UNC13B: variants seen among roughly 807,000 people sequenced by gnomAD.
UNC13B encodes the protein unc-13 homolog B.
Under a neutral mutation model 211.0 loss-of-function variants are expected in UNC13B, and 144 were observed. The observed-to-expected ratio is 0.68, with a 90% CI of 0.60 to 0.78. The LOEUF is 0.78. UNC13B is among the 30% of genes least tolerant of loss of function. The pLI is 0.00. For synonymous variants in UNC13B, 709 were observed against 725.8 expected (o/e 0.98, Z 0.37); for missense variants, 1,777 against 2,002.0 (o/e 0.89, Z 2.14).
At chr9:35,250,549 T>C (rs1587466822) in intron 6 of UNC13B, among the ~76,000 whole-genome samples, 1 of 152,244 alleles carries the variant, frequency 6.6e-6, no homozygotes, top group Non-Finnish European at 1.5e-5. Context: ...ACATTTTAAA[T>C]TCATTCATTA....
At chr9:35,271,096 G>A (rs550973166) in intron 7 of UNC13B, among the ~76,000 whole-genome samples, 21 of 136,696 alleles carry the variant, frequency 1.5e-4, no homozygotes, top group East Asian at 6.4e-4. Context: ...CCGAGATTGC[G>A]CCACTGCACT....
chr9:35,213,653 A>T lies in UNC13B; in HGVS notation c.23-14362A>T, dbSNP rs533177221. ...ATAAAGCTAGGATTCTCAAAGGGTC[A>T]TATGCTCAGTTAAAGCCTGGCCTAG... On this transcript the variant is annotated intron_variant, in intron 1 of 39. Transcript: ENST00000635942. Among the ~76,000 whole-genome samples, 9 of 152,322 alleles carry T rather than the reference A, an allele frequency of 5.9e-5. No homozygotes were observed. In the South Asian group the frequency reaches 1.9e-3, roughly 32 times the overall value.
chr9:35,398,697 C>T, intron 32 of UNC13B, 55 bp downstream of exon 32: 1 of 1,597,858 alleles, frequency 6.3e-7, no homozygotes, highest in Non-Finnish European at 8.6e-7. Context: ...CCTAGCCAAT[C>T]CCAGAGCCCT....
chr9:35,261,706 G>T (rs1380616458), intron 7 of UNC13B, among the ~76,000 whole-genome samples: 1 of 151,838 alleles, frequency 6.6e-6, no homozygotes. Flanking sequence ...GCAAATACTA[G>T]ATCTTACTCA....
intron 11 of UNC13B, among the ~76,000 whole-genome samples, chr9:35,316,907 A>T (rs542508159): frequency 6.6e-6 from 1 of 152,192 alleles, no homozygotes; most frequent in African/African-American, 2.4e-5. Flanking sequence ...GATTTAGGAA[A>T]CAATTAGGCA....
At chr9:35,326,136 A>G (rs952840145) in intron 11 of UNC13B, among the ~76,000 whole-genome samples, 21 of 152,146 alleles carry the variant, frequency 1.4e-4, no homozygotes, top group Admixed American at 8.5e-4. Context: ...GCCAACACTT[A>G]TTGTCTGTCT....
At chr9:35,330,644 T>C (rs1486413486) in intron 11 of UNC13B, among the ~76,000 whole-genome samples, 1 of 152,232 alleles carries the variant, frequency 6.6e-6, no homozygotes, top group Non-Finnish European at 1.5e-5. Flanking sequence ...TTCATGCACT[T>C]GTCAGTAGCA....
intron 11 of UNC13B, among the ~76,000 whole-genome samples, chr9:35,322,663 C>CT (rs759746986): frequency 6.6e-6 from 1 of 152,076 alleles, no homozygotes; most frequent in African/African-American, 2.4e-5. Flanking sequence ...AGAAAAGTGA[C>CT]TTCCTTCTTG....
rs1177406508 is a variant in UNC13B at position 35,399,162 on chromosome 9, C to T, written c.12076C>T (p.Leu4026Phe). Residue 4026 changes from leucine to phenylalanine, a missense_variant and splice_region_variant, in exon 34 of 40, where the codon CTC (leucine) becomes TTC (phenylalanine). Physicochemically the swap from Leu to Phe is conservative, Grantham distance 22 (BLOSUM62 0). Transcript: ENST00000635942. ...CTCACCTGTTGCCTGGACTTGCAGC[C>T]TCACCCTCTTTGCCACTGTGTGTGA... ...RPLMDFLDGN[L>F]TLFATVCEKT... 1 of 1,614,200 alleles carries T rather than the reference C, an allele frequency of 6.2e-7. No individual in the cohort carries two copies. Among genetic ancestry groups the T allele is most frequent in the Non-Finnish European group, 8.5e-7 (1 of 1,180,032 alleles).
chr9:35,237,494 A>G (rs1264093151), intron 4 of UNC13B, among the ~76,000 whole-genome samples: 3 of 152,188 alleles, frequency 2.0e-5, no homozygotes, highest in African/African-American at 7.2e-5. Flanking sequence ...TGCAGAGCTG[A>G]GCACAGTGAA....
intron 1 of UNC13B, among the ~76,000 whole-genome samples, chr9:35,202,178 TTTGA>T (rs879871936): frequency 2.6e-5 from 4 of 152,246 alleles, no homozygotes; most frequent in Admixed American, 6.5e-5. Flanking sequence ...TGAGTTCTAG[TTTGA>T]TTGCACTGTA....
At chr9:35,164,174 GC>G (rs1413749996) in intron 1 of UNC13B, among the ~76,000 whole-genome samples, 3 of 152,052 alleles carry the variant, frequency 2.0e-5, no homozygotes, top group Non-Finnish European at 4.4e-5. Flanking sequence ...GAACCACCAG[GC>G]CCGGCTAATT....
At chr9:35,352,633 T>C in intron 11 of UNC13B, 2 of 1,232,096 alleles carry the variant, frequency 1.6e-6, no homozygotes, top group African/African-American at 1.5e-5. Flanking sequence ...ACCAGGCCCC[T>C]GAGCAGCAAG....
chr9:35,381,442 AG>A (rs1834829397), intron 19 of UNC13B, 113 bp from the exon 20 acceptor site: 2 of 1,320,806 alleles, frequency 1.5e-6, no homozygotes, highest in Admixed American at 5.2e-5. Context: ...AATGACTGGA[AG>A]GACAGAATTT....
At chr9:35,297,919 T>C (rs910382373) in intron 8 of UNC13B, among the ~76,000 whole-genome samples, 2 of 152,128 alleles carry the variant, frequency 1.3e-5, no homozygotes, top group Non-Finnish European at 2.9e-5. Flanking sequence ...ATGCCGTATT[T>C]CTCCAGTGTA....
intron 7 of UNC13B, among the ~76,000 whole-genome samples, chr9:35,277,663 A>G (rs1214830977): frequency 2.6e-5 from 4 of 152,098 alleles, no homozygotes; most frequent in African/African-American, 4.8e-5. Context: ...ACCAGGGAGT[A>G]TATTTGCAGA....
intron 11 of UNC13B, among the ~76,000 whole-genome samples, chr9:35,357,790 G>GT (rs920137726): frequency 3.9e-5 from 6 of 151,928 alleles, no homozygotes; most frequent in African/African-American, 1.2e-4. Context: ...TTTAAACCAT[G>GT]TTTTTTCTGA....
intron 6 of UNC13B, among the ~76,000 whole-genome samples, chr9:35,254,445 T>G (rs1158572050): frequency 6.6e-6 from 1 of 152,146 alleles, no homozygotes; most frequent in Non-Finnish European, 1.5e-5. Context: ...ATGCCATTCA[T>G]GAAGTCTCCA....
At chr9:35,282,832 A>C (rs185922879) in intron 7 of UNC13B, among the ~76,000 whole-genome samples, 2 of 151,950 alleles carry the variant, frequency 1.3e-5, no homozygotes. Context: ...CCATTTGACT[A>C]TATGGTTTTG....
Sources: gnomAD v4.1 joint callset for allele counts (sites outside exome capture counted in the v4.1 genomes callset) on GRCh38, gnomAD v4.1.1 for gene constraint, MANE v1.5 for transcripts, NCBI Gene and HGNC (gene_info 2026-07-23, HGNC 2026-07-21) for gene names.